WASF2: variants seen among roughly 807,000 people sequenced by gnomAD.
The protein encoded by WASF2 is WASP family member 2.
WASF2 carries 14 observed loss-of-function variants against 45.0 expected under a neutral mutation model. The ratio of observed to expected loss-of-function variants is 0.31; its 90% CI spans 0.21 to 0.49. The LOEUF is 0.49. Ranked by LOEUF, WASF2 falls within the 20% of genes least tolerant of loss-of-function variation. The pLI is 0.99. For synonymous variants in WASF2, 200 were observed against 236.3 expected (o/e 0.85, Z 1.41); for missense variants, 439 against 636.1 (o/e 0.69, Z 3.33).
At position 27,450,493 on chromosome 1, in the gene WASF2, T is replaced by C. The variant is rs201102967; in HGVS notation, c.-43-21560A>G. Among the ~76,000 whole-genome samples, 14 of 152,092 alleles carry C rather than the reference T, an allele frequency of 9.2e-5. No homozygotes were observed. The East Asian group carries it at 2.7e-3, about 29-fold the overall frequency. The stretch of plus-strand genomic sequence containing the variant: ...GCTGTCTGCCTTTCTTTTTTCCCTC[T>C]CCCAGACTCTTTTTTGTTTTTTTTG... On this transcript the variant is annotated intron_variant, in intron 1 of 8. Transcript: ENST00000618852.
intron 1 of WASF2, among the ~76,000 whole-genome samples, chr1:27,446,729 C>G (rs1241649322): frequency 8.1e-5 from 12 of 148,852 alleles, no homozygotes; most frequent in Non-Finnish European, 1.2e-4. Context: ...TGCAGTGCGC[C>G]AAGATTGTGC....
rs75124198 is a variant in WASF2 at position 27,413,290 on chromosome 1, G to A, written c.669-563C>T. Reference sequence around the variant, plus strand: ...CTCTTATCAAACCAAATGAGCTGACGATTAAAGTAGCGTGCTAGGGCTTGT... The same window carrying A: ...CTCTTATCAAACCAAATGAGCTGACAATTAAAGTAGCGTGCTAGGGCTTGT... On this transcript the variant is annotated intron_variant, in intron 6 of 8. Transcript: ENST00000618852. Among the ~76,000 whole-genome samples the A allele has an allele frequency of 7.8e-3, 1,194 of 152,300 alleles. 15 individuals are homozygous for A. Among genetic ancestry groups the A allele is most frequent in the African/African-American group, 0.027 (1,126 of 41,560 alleles).
In WASF2 at chr1:27,405,396, T is replaced by C. The variant is rs1329878874; in HGVS notation, c.*2793A>G. 1 of 152,290 alleles carries C rather than the reference T, an allele frequency of 6.6e-6. No individual in the cohort carries two copies. Among genetic ancestry groups the C allele is most frequent in the Non-Finnish European group, 1.5e-5 (1 of 68,102 alleles). The allele number at this position is 152,290 out of a possible 1,614,324, so 9.4% of individuals were successfully genotyped here. ...GGCCACAGGAATGGGGGCAGGTCCC[T>C]TGGGCGGGGTGAACCAGGAAGGGAG... On this transcript the variant is annotated 3_prime_UTR_variant, in exon 9 of 9. Coordinates refer to ENST00000618852, the MANE Select transcript of WASF2 (RefSeq NM_006990.5).
At chr1:27,439,354 A>C (rs1031871698) in intron 1 of WASF2, among the ~76,000 whole-genome samples, 1 of 152,258 alleles carries the variant, frequency 6.6e-6, no homozygotes, top group Non-Finnish European at 1.5e-5. Flanking sequence ...TAGTAGTAGC[A>C]GTAGAATGAT....
intron 1 of WASF2, among the ~76,000 whole-genome samples, chr1:27,478,275 C>CAAAAAAAAAAAA (rs765416697): frequency 2.0e-5 from 1 of 49,948 alleles, no homozygotes; most frequent in Non-Finnish European, 4.3e-5. Flanking sequence ...AATAGCAAAG[C>CAAAAAAAAAAAA]AAAAAAAAAA....
At chr1:27,480,704 A>T (rs1271464938) in intron 1 of WASF2, among the ~76,000 whole-genome samples, 2 of 152,134 alleles carry the variant, frequency 1.3e-5, no homozygotes, top group Non-Finnish European at 2.9e-5. Context: ...CACACAAGCC[A>T]CACGACATAT....
chr1:27,472,580 G>C (rs568737684), intron 1 of WASF2, among the ~76,000 whole-genome samples: 1 of 146,142 alleles, frequency 6.8e-6, no homozygotes, highest in African/African-American at 2.6e-5. Flanking sequence ...GTTGCAGTGA[G>C]CTGAGATTTC....
chr1:27,409,991 G>C lies in WASF2; in HGVS notation c.1040C>G (p.Pro347Arg). Residue 347 changes from proline to arginine, a missense_variant, in exon 8 of 9, where the codon CCT becomes CGT. This residue lies in a region of WASF2 where 286 missense variants were observed against 373.5 expected (regional missense o/e 0.77). Coordinates refer to ENST00000618852, the MANE Select transcript of WASF2 (RefSeq NM_006990.5). ...GAAAGATGGGGGTGAGGGTGGTGGA[G>C]GCGTCCCTGGAGACCCAAATCCTAC... ...PPVGFGSPGT[P>R]PPPSPPSFPP... 6.2e-7 allele frequency: 1 copy of C among 1,613,806 alleles called. No homozygotes were observed. Among genetic ancestry groups the C allele is most frequent in the Non-Finnish European group, 8.5e-7 (1 of 1,179,936 alleles).
chr1:27,488,947 A>AT (rs1326731853), intron 1 of WASF2, among the ~76,000 whole-genome samples: 1 of 152,194 alleles, frequency 6.6e-6, no homozygotes, highest in African/African-American at 2.4e-5. Context: ...AAATAAGAAC[A>AT]TATGCCTAAG....
At chr1:27,432,580 G>A (rs1455992531) in intron 1 of WASF2, among the ~76,000 whole-genome samples, 3 of 145,340 alleles carry the variant, frequency 2.1e-5, no homozygotes, top group Non-Finnish European at 4.5e-5. Context: ...CCTGGGAGGC[G>A]GAGCTTGCAG....
intron 1 of WASF2, among the ~76,000 whole-genome samples, chr1:27,478,909 T>C (rs750766634): frequency 2.0e-5 from 3 of 152,050 alleles, no homozygotes; most frequent in Non-Finnish European, 4.4e-5. Context: ...TTGATGTGGG[T>C]GTTGGCTACA....
intron 4 of WASF2, among the ~76,000 whole-genome samples, chr1:27,417,717 T>C (rs553511942): frequency 1.3e-5 from 2 of 152,346 alleles, no homozygotes; most frequent in South Asian, 4.1e-4. Flanking sequence ...CAGAAGGAAA[T>C]GTCCAAAGGA....
chr1:27,461,442 C>T (rs934862263), intron 1 of WASF2, among the ~76,000 whole-genome samples: 17 of 150,110 alleles, frequency 1.1e-4, no homozygotes, highest in African/African-American at 4.2e-4. Flanking sequence ...CAGGCTCAGG[C>T]GATCCTCCCA....
At chr1:27,430,536 T>C (rs565735537) in intron 1 of WASF2, among the ~76,000 whole-genome samples, 2 of 152,212 alleles carry the variant, frequency 1.3e-5, no homozygotes, top group African/African-American at 4.8e-5. Context: ...AATTTTTGTA[T>C]TTTTTTGTAG....
At chr1:27,423,983 A>C (rs2016943595) in intron 2 of WASF2, among the ~76,000 whole-genome samples, 1 of 152,104 alleles carries the variant, frequency 6.6e-6, no homozygotes, top group African/African-American at 2.4e-5. Flanking sequence ...CACAATACTG[A>C]TACAAAGTGC....
intron 1 of WASF2, among the ~76,000 whole-genome samples, chr1:27,454,125 G>GTGTA (rs1553150600): frequency 1.1e-5 from 1 of 89,280 alleles, no homozygotes; most frequent in East Asian, 3.4e-4. Flanking sequence ...ATATATGTGT[G>GTGTA]TATATATATA....
At chr1:27,487,490 TATATA>T (rs1300608219) in intron 1 of WASF2, among the ~76,000 whole-genome samples, 22 of 112,454 alleles carry the variant, frequency 2.0e-4, no homozygotes, top group African/African-American at 7.3e-4. Context: ...AAATATATAT[TATATA>T]ATATTATAAT....
intron 1 of WASF2, among the ~76,000 whole-genome samples, chr1:27,433,309 AG>A (rs1288533722): frequency 2.6e-5 from 4 of 152,162 alleles, no homozygotes; most frequent in Non-Finnish European, 5.9e-5. Flanking sequence ...TTAGAGTGAC[AG>A]TTTTCTCAAT....
intron 1 of WASF2, among the ~76,000 whole-genome samples, chr1:27,468,459 G>C (rs2017644697): frequency 6.6e-6 from 1 of 151,602 alleles, no homozygotes; most frequent in African/African-American, 2.4e-5. Flanking sequence ...TGACCAACAT[G>C]GTGAAATCCC....
Sources: gnomAD v4.1 joint callset for allele counts (sites outside exome capture counted in the v4.1 genomes callset) on GRCh38, gnomAD v4.1.1 for gene constraint, gnomAD v4.1.1 regional missense constraint, MANE v1.5 for transcripts, NCBI Gene and HGNC (gene_info 2026-07-23, HGNC 2026-07-21) for gene names.